The following SMARCA4 variants were observed in gnomAD, a reference collection of about 807,000 sequenced individuals.
SMARCA4 encodes the protein SWI/SNF-related matrix-associated actin-dependent regulator of chromatin subfamily A member 4.
In SMARCA4, 31 loss-of-function variants were observed where a neutral mutation model predicts 193.9. The observed-to-expected ratio is 0.16, with a 90% CI of 0.12 to 0.22. The LOEUF (loss-of-function observed/expected upper bound fraction) is 0.22. SMARCA4 is among the 10% of genes least tolerant of loss of function. SMARCA4 has a pLI of 1.00. For synonymous variants in SMARCA4, 942 were observed against 933.1 expected (o/e 1.01, Z -0.17); for missense variants, 1,148 against 2,296.0 (o/e 0.50, Z 10.22).
intron 1 of SMARCA4, among the ~76,000 whole-genome samples, chr19:10,980,413 C>T (rs911094156): frequency 2.0e-5 from 3 of 152,112 alleles, no homozygotes; most frequent in Non-Finnish European, 2.9e-5. Context: ...GAGTTGGAGC[C>T]GTTCCTGGAG....
intron 11 of SMARCA4, among the ~76,000 whole-genome samples, chr19:11,001,116 G>C (rs995900749): frequency 3.3e-5 from 5 of 152,152 alleles, no homozygotes; most frequent in African/African-American, 1.2e-4. Context: ...GTCCAGTGAT[G>C]AGGTCATGGC....
rs2086973992 is a variant in SMARCA4, at chr19:10,995,731, A to C, written c.1594-482A>C. Reference sequence around the variant, plus strand: ...GGCAGGAGGTGAGGTCAGAGCTTACAGGGGCAGGTGGGAGGTGGGACCTTT... The same window carrying C: ...GGCAGGAGGTGAGGTCAGAGCTTACCGGGGCAGGTGGGAGGTGGGACCTTT... On this transcript the variant is annotated intron_variant, in intron 9 of 34. Transcript: ENST00000344626. Among the ~76,000 whole-genome samples, 6 of 152,126 alleles carry C rather than the reference A, an allele frequency of 3.9e-5. No individual in the cohort carries two copies. The South Asian group carries it at 1.2e-3, about 32-fold the overall frequency.
intron 14 of SMARCA4, chr19:11,008,312 C>G: frequency 2.6e-6 from 1 of 391,082 alleles, no homozygotes; most frequent in South Asian, 2.1e-5. Context: ...TCCCTTTCCA[C>G]TACCCTCCCT....
chr19:11,061,897 C>A lies in SMARCA4; in HGVS notation c.*81C>A, dbSNP rs1481026044. On this transcript the variant is annotated 3_prime_UTR_variant, in exon 35 of 35. Transcript: ENST00000344626. ...AGGCCTTAGCAGTAACGGGTAGCAGCAGATGTAGTTTCAGACTTGGAGTAA... is the reference window on the plus strand; with the variant it reads ...AGGCCTTAGCAGTAACGGGTAGCAGAAGATGTAGTTTCAGACTTGGAGTAA... 1 of 1,269,394 alleles carries A rather than the reference C, an allele frequency of 7.9e-7. No homozygotes were observed. The highest frequency in any genetic ancestry group is 1.2e-6 in the Non-Finnish European group (1 of 865,586). The allele number at this position is 1,269,394 out of a possible 1,614,324, so 78.6% of individuals were successfully genotyped here.
intron 30 of SMARCA4, among the ~76,000 whole-genome samples, chr19:11,054,350 C>T (rs902607470): frequency 6.6e-6 from 1 of 152,210 alleles, no homozygotes; most frequent in Non-Finnish European, 1.5e-5. Flanking sequence ...CACTCGGCAA[C>T]AGGGACAGCA....
Position 11,019,809 on chromosome 19 carries a change from C to T in SMARCA4, c.2616+108C>T. On this transcript the variant is annotated intron_variant, in intron 18 of 34. Transcript: ENST00000344626. The surrounding 1 kb of genome is among the most constrained non-coding windows in gnomAD (Gnocchi z 6.1). ...TACAAGTTTCTTCCCGGAGTCCCAC[C>T]TGCATGTGCGTGAAGACAGCTGCCC... The T allele has an allele frequency of 1.2e-6, 1 of 802,528 alleles. No homozygotes were observed. 49.7% of individuals were successfully genotyped at this position (802,528 alleles called of 1,614,324 possible).
intron 15 of SMARCA4, chr19:11,012,594 T>C (rs765740868): frequency 8.7e-6 from 3 of 343,078 alleles, no homozygotes; most frequent in South Asian, 2.8e-5. Context: ...CTTGGTTTCC[T>C]GAGTGCAAGT....
chr19:10,976,776 C>T (rs1442142288), intron 1 of SMARCA4, among the ~76,000 whole-genome samples: 1 of 117,818 alleles, frequency 8.5e-6, no homozygotes, highest in Admixed American at 8.7e-5. Flanking sequence ...AAAATTGGGC[C>T]GGGCGTGGTG....
intron 1 of SMARCA4, among the ~76,000 whole-genome samples, chr19:10,982,216 T>C (rs2085609087): frequency 6.6e-6 from 1 of 152,068 alleles, no homozygotes; most frequent in Non-Finnish European, 1.5e-5. Flanking sequence ...GGTTCACACC[T>C]GTAATCCCAG....
chr19:11,013,309 G>A (rs994641355), intron 16 of SMARCA4, among the ~76,000 whole-genome samples, 197 bp downstream of exon 16: 10 of 152,274 alleles, frequency 6.6e-5, no homozygotes, highest in African/African-American at 2.2e-4. Context: ...GCAGGGATAC[G>A]TGCTTACATG....
At chr19:11,028,014 C>T (rs2090385463) in intron 24 of SMARCA4, 64 bp downstream of exon 24, 1 of 1,548,930 alleles carries the variant, frequency 6.5e-7, no homozygotes, top group African/African-American at 1.4e-5. Flanking sequence ...ACAGAAGCTC[C>T]TCACTGGCAT....
rs78954808 is a variant in SMARCA4 at position 11,044,308 on chromosome 19, A to G, written c.4424+2748A>G. 2.6e-3 allele frequency among the ~76,000 whole-genome samples: 401 copies of G among 152,340 alleles called. 2 individuals are homozygous for G. Among genetic ancestry groups the G allele is most frequent in the African/African-American group, 9.2e-3 (382 of 41,600 alleles). On this transcript the variant is annotated intron_variant, in intron 30 of 34. Coordinates refer to ENST00000344626, the MANE Select transcript of SMARCA4 (RefSeq NM_003072.5). ...CGGGAGAAAATCTTCATGAGTAGGCATCGATTTCTTCCACGGGAGCCAAAA... is the reference window on the plus strand; with the variant it reads ...CGGGAGAAAATCTTCATGAGTAGGCGTCGATTTCTTCCACGGGAGCCAAAA...
intron 15 of SMARCA4, chr19:11,010,948 T>C (rs2088773834): frequency 7.3e-6 from 2 of 272,158 alleles, no homozygotes; most frequent in African/African-American, 4.4e-5. Context: ...CTCTGTGTGG[T>C]GTGAAACGGC....
At chr19:10,993,763 G>A (rs535068751) in intron 8 of SMARCA4, among the ~76,000 whole-genome samples, 3 of 151,666 alleles carry the variant, frequency 2.0e-5, no homozygotes, top group Non-Finnish European at 2.9e-5. Flanking sequence ...CTTCTGCCTC[G>A]GCCTCCTGAG....
intron 20 of SMARCA4, 122 bp downstream of exon 20, chr19:11,023,753 G>T: frequency 1.4e-6 from 1 of 721,570 alleles, no homozygotes. Context: ...TCCAGCTTGG[G>T]GGTGGCGATG....
intron 30 of SMARCA4, among the ~76,000 whole-genome samples, chr19:11,055,969 GC>G (rs982141145): frequency 6.6e-6 from 1 of 152,190 alleles, no homozygotes; most frequent in African/African-American, 2.4e-5. Context: ...TTCTTCTGTT[GC>G]CCCTGCCTGT....
chr19:11,050,829 G>A (rs1278769999), intron 30 of SMARCA4, among the ~76,000 whole-genome samples: 1 of 152,248 alleles, frequency 6.6e-6, no homozygotes, highest in East Asian at 1.9e-4. Context: ...GTGGGCAGGA[G>A]TGGGAGCCAT....
intron 14 of SMARCA4, among the ~76,000 whole-genome samples, chr19:11,010,168 A>G (rs953861401): frequency 3.9e-5 from 6 of 152,196 alleles, no homozygotes; most frequent in African/African-American, 1.4e-4. Context: ...ATCAGGACCC[A>G]GAGCTCCCAG....
At chr19:10,967,142 G>A (rs1417243446) in intron 1 of SMARCA4, among the ~76,000 whole-genome samples, 1 of 152,140 alleles carries the variant, frequency 6.6e-6, no homozygotes, top group East Asian at 1.9e-4. Context: ...TGGGATTGAT[G>A]GGCATGTGAT....
Sources: gnomAD v4.1 joint callset for allele counts (sites outside exome capture counted in the v4.1 genomes callset) on GRCh38, gnomAD v4.1.1 for gene constraint, Gnocchi (gnomAD v3.1) non-coding constraint, MANE v1.5 for transcripts, NCBI Gene and HGNC (gene_info 2026-07-23, HGNC 2026-07-21) for gene names.